Variants in GCC2 observed in about 807,000 individuals in gnomAD.
The protein encoded by GCC2 is GRIP and coiled-coil domain containing 2, also known as GRIP and coiled-coil domain-containing protein 2.
Under a neutral mutation model 210.6 loss-of-function variants are expected in GCC2, and 120 were observed. The observed-to-expected ratio is 0.57, with a 90% confidence interval of 0.49 to 0.66. GCC2 has a LOEUF of 0.66. Ranked by LOEUF, GCC2 falls within the 30% of genes least tolerant of loss-of-function variation. The pLI, the probability that GCC2 is intolerant of heterozygous loss-of-function variation, is 0.00. For missense variants in GCC2, 1,868 were observed against 1,871.9 expected, an observed-to-expected ratio of 1.00 and a Z score of 0.04; for synonymous variants, 703 against 652.7, an observed-to-expected ratio of 1.08 and a Z score of -1.17.
At position 108,495,411 on chromosome 2, in the gene GCC2, C is replaced by T; in HGVS notation, c.4568C>T (p.Thr1523Met). The change falls in exon 20 of 23, where the codon ACG becomes ATG. Residue 1523 changes from threonine to methionine, a missense_variant. Physicochemically the swap from Thr to Met is moderately conservative, Grantham distance 81. Transcript: ENST00000309863. ...GGAGAAGGCATGGAGACAACTGATA[C>T]GGAGTCTGTGTCTTCCGCCAGCACA... ...EEGEGMETTD[T>M]ESVSSASTYT... 14 of 1,589,416 alleles carry T rather than the reference C, an allele frequency of 8.8e-6. No homozygotes were observed. The highest frequency in any genetic ancestry group is 2.3e-4 in the Middle Eastern group (1 of 4,406).
intron 18 of GCC2, among the ~76,000 whole-genome samples, chr2:108,492,019 T>C (rs765583911): frequency 4.6e-5 from 7 of 152,084 alleles, no homozygotes; most frequent in Non-Finnish European, 8.8e-5. Flanking sequence ...GTGATTCTCA[T>C]GTGCAGTGAG....
At chr2:108,487,894 A>G in intron 17 of GCC2, 74 bp downstream of exon 17, 1 of 973,642 alleles carries the variant, frequency 1.0e-6, no homozygotes, top group Non-Finnish European at 1.5e-6. Context: ...TGAAAATCCT[A>G]TTATGATTTT....
rs1327923712 is a variant in GCC2, at chr2:108,487,729, G to A, written c.3961G>A (p.Glu1321Lys). The part of the protein sequence containing the change: ...AEQATVTSEF[E>K]SYKVRVHNVL... ...ACAAGCTACTGTAACCTCTGAATTC[G>A]AGAGCTACAAAGTCCGAGTTCATAA... The change falls in exon 17 of 23, where the codon GAG becomes AAG. Residue 1321 changes from glutamate to lysine, a missense_variant. Around this residue, in one of 3 missense-constraint regions of GCC2, gnomAD observed 1,847 missense variants for 1,765.2 expected, o/e 1.05. Transcript: ENST00000309863. The A allele has an allele frequency of 1.7e-5, 28 of 1,613,024 alleles. No individual in the cohort carries two copies. The highest frequency in any genetic ancestry group is 2.0e-5 in the Non-Finnish European group (24 of 1,179,450).
At chr2:108,503,200 ATAAGAG>A (rs1004062435) in intron 22 of GCC2, among the ~76,000 whole-genome samples, 1 of 152,026 alleles carries the variant, frequency 6.6e-6, no homozygotes, top group Non-Finnish European at 1.5e-5. Flanking sequence ...TTCTAGTCAC[ATAAGAG>A]TAAAACTGCC....
Position 108,449,218 on chromosome 2 carries a change from A to T in GCC2, c.-57A>T. On this transcript the variant is annotated 5_prime_UTR_variant, in exon 1 of 23. Transcript: ENST00000309863. The stretch of plus-strand genomic sequence containing the variant: ...TAGAGCCTACGTCAGAGGCTGGCGC[A>T]AACAGAAGTGCAGCGGTGGCGGCGG... 1 of 1,535,636 alleles carries T rather than the reference A, an allele frequency of 6.5e-7. No individual in the cohort carries two copies. The highest frequency in any genetic ancestry group is 1.2e-5 in the South Asian group (1 of 83,264).
chr2:108,469,981 C>G lies in GCC2; in HGVS notation c.652C>G (p.Gln218Glu). 1 of 1,612,696 alleles carries G rather than the reference C, an allele frequency of 6.2e-7. No homozygotes were observed. The highest frequency in any genetic ancestry group is 8.5e-7 in the Non-Finnish European group (1 of 1,179,144). The change falls in exon 6 of 23, where the codon CAA becomes GAA. Residue 218 changes from glutamine (Q) to glutamate (E), a missense_variant. Around this residue, in one of 3 missense-constraint regions of GCC2, gnomAD observed 1,847 missense variants for 1,765.2 expected, o/e 1.05. Coordinates refer to ENST00000309863, the MANE Select transcript of GCC2 (RefSeq NM_181453.4). Reference protein sequence around the residue: ...TTDEKKETVTQLQNIIEANSQ... With the variant: ...TTDEKKETVTELQNIIEANSQ... Reference sequence around the variant, plus strand: ...TGATGAAAAGAAGGAAACAGTTACTCAACTCCAAAATATCATTGAGGCTAA... The same window carrying G: ...TGATGAAAAGAAGGAAACAGTTACTGAACTCCAAAATATCATTGAGGCTAA...
chr2:108,458,284 A>G (rs902780248), intron 4 of GCC2, among the ~76,000 whole-genome samples: 1 of 150,882 alleles, frequency 6.6e-6, no homozygotes, highest in Non-Finnish European at 1.5e-5. Context: ...ATGGTGTATT[A>G]TCTTTTCAAT....
At chr2:108,449,891 T>G in intron 2 of GCC2, 1 of 575,768 alleles carries the variant, frequency 1.7e-6, no homozygotes, top group East Asian at 2.9e-5. Flanking sequence ...TTTGTTTGCT[T>G]CCTGCTCCTG....
At chr2:108,468,560 T>C (rs990392401) in intron 4 of GCC2, among the ~76,000 whole-genome samples, 7 of 152,158 alleles carry the variant, frequency 4.6e-5, no homozygotes, top group Non-Finnish European at 1.0e-4. Flanking sequence ...AGGAAGGACA[T>C]AGATTATTTC....
Position 108,470,613 on chromosome 2 carries a change from T to A in GCC2, c.1284T>A (p.Ser428Arg), listed in dbSNP as rs773384748. 17 of 1,612,042 alleles carry A rather than the reference T, an allele frequency of 1.1e-5. No homozygotes were observed. Among genetic ancestry groups the A allele is most frequent in the Admixed American group, 3.3e-5 (2 of 59,876 alleles). The part of the protein sequence containing the change: ...TVEQHNREVQ[S>R]LKEQHQKEIS... ...AACAGCATAACAGAGAAGTACAGAG[T>A]CTTAAGGAACAACATCAAAAAGAAA... The change falls in exon 6 of 23, where the codon AGT becomes AGA. Residue 428 changes from serine (S) to arginine (R), a missense_variant. Ser to Arg is a moderately radical substitution (Grantham distance 110, BLOSUM62 -1). This residue lies in a region of GCC2 where 1,847 missense variants were observed against 1,765.2 expected (regional missense o/e 1.05). Transcript: ENST00000309863.
At chr2:108,458,703 G>T (rs1351163496) in intron 4 of GCC2, among the ~76,000 whole-genome samples, 2 of 151,972 alleles carry the variant, frequency 1.3e-5, no homozygotes, top group East Asian at 3.9e-4. Context: ...TTTCCAGTTT[G>T]TGGGTGCATA....
chr2:108,469,248 C>G (rs1376539795), intron 5 of GCC2, 164 bp downstream of exon 5: 3 of 498,990 alleles, frequency 6.0e-6, no homozygotes, highest in African/African-American at 1.9e-5. Context: ...AATCACCTAA[C>G]TATACAGCAA....
In GCC2 at chr2:108,497,117, C is replaced by T. The variant is rs376217941; in HGVS notation, c.4782+8C>T. Reference sequence around the variant, plus strand: ...CTTATGGAGCAAATTAAGGTGAGATCAGAAAACCTGGCCGCCGTGAAAACC... The same window carrying T: ...CTTATGGAGCAAATTAAGGTGAGATTAGAAAACCTGGCCGCCGTGAAAACC... On this transcript the variant is annotated splice_region_variant and intron_variant, in intron 21 of 22. Coordinates refer to ENST00000309863, the MANE Select transcript of GCC2 (RefSeq NM_181453.4). 184 of 1,611,836 alleles carry T rather than the reference C, an allele frequency of 1.1e-4. No homozygotes were observed. The highest frequency in any genetic ancestry group is 1.5e-4 in the Non-Finnish European group (180 of 1,179,860).
chr2:108,497,166 C>G, intron 21 of GCC2, 57 bp downstream of exon 21: 2 of 1,610,588 alleles, frequency 1.2e-6, no homozygotes, highest in Non-Finnish European at 1.7e-6. Context: ...TCTTGACCCT[C>G]CATACACATG....
chr2:108,475,851 G>A lies in GCC2; in HGVS notation c.3060+1G>A, dbSNP rs1473067691. On this transcript the variant is annotated splice_donor_variant, in intron 9 of 22. Coordinates refer to ENST00000309863, the MANE Select transcript of GCC2 (RefSeq NM_181453.4). LOFTEE classifies it high-confidence loss of function. ...CATTCAAGGAGCAGAAAGCTATAAG[G>A]TAAAAAATAGTCATTTTAATAACAA... is the stretch of plus-strand genomic sequence containing the variant. 2 of 1,453,688 alleles carry A rather than the reference G, an allele frequency of 1.4e-6. No individual in the cohort carries two copies. The highest frequency in any genetic ancestry group is 1.9e-6 in the Non-Finnish European group (2 of 1,056,884). The allele number at this position is 1,453,688 out of a possible 1,614,324, so 90.0% of individuals were successfully genotyped here. A position where few individuals can be genotyped will look rare whatever the true frequency, so the allele number is the denominator to read the frequency against.
rs901600438 is a variant in GCC2, at chr2:108,492,668, G to C, written c.4325G>C (p.Ser1442Thr). 6 of 1,613,526 alleles carry C rather than the reference G, an allele frequency of 3.7e-6. No individual in the cohort carries two copies. In the East Asian group the frequency reaches 1.3e-4, roughly 36 times the overall value. Residue 1442 changes from serine to threonine, a missense_variant, in exon 19 of 23, where the codon AGC becomes ACC. By Grantham distance (58) the Ser-to-Thr change is moderately conservative. Coordinates refer to ENST00000309863, the MANE Select transcript of GCC2 (RefSeq NM_181453.4). Reference sequence around the variant, plus strand: ...TCCCAGAACGAGGTCCTTCGAAATAGCTTCCGAGATCAAGTGCGACATTTG... The same window carrying C: ...TCCCAGAACGAGGTCCTTCGAAATACCTTCCGAGATCAAGTGCGACATTTG... The part of the protein sequence containing the change: ...LTSQNEVLRN[S>T]FRDQVRHLQE...
chr2:108,459,723 A>G (rs1283116241), intron 4 of GCC2, among the ~76,000 whole-genome samples: 3 of 95,224 alleles, frequency 3.2e-5, no homozygotes, highest in South Asian at 3.9e-4. Flanking sequence ...TTCCTTTGCC[A>G]TTAGATAATG....
rs1282438487 is a variant in GCC2, at chr2:108,470,960, A to G, written c.1631A>G (p.Asn544Ser). 1 of 1,613,298 alleles carries G rather than the reference A, an allele frequency of 6.2e-7. No homozygotes were observed. The highest frequency in any genetic ancestry group is 1.1e-5 in the South Asian group (1 of 91,052). Residue 544 changes from asparagine (N) to serine (S), a missense_variant, in exon 6 of 23, where the codon AAT becomes AGT. Asn to Ser is a conservative substitution (Grantham distance 46, BLOSUM62 1). Transcript: ENST00000309863. ...ACTGTGAATCGCCTCCAGGGAGAAA[A>G]TGAAAAGTTACTATCTCAACAAGAA... ...LETVNRLQGENEKLLSQQELV... is the reference protein window; with the variant it reads ...LETVNRLQGESEKLLSQQELV...
In GCC2 at chr2:108,492,749, A is replaced by C. The variant is rs771264998; in HGVS notation, c.4406A>C (p.Glu1469Ala). The C allele has an allele frequency of 1.2e-6, 2 of 1,613,990 alleles. No homozygotes were observed. Among genetic ancestry groups the C allele is most frequent in the Non-Finnish European group, 1.7e-6 (2 of 1,179,800 alleles). ...ETLQQQLSKM[E>A]AQLFQLKNEP... ...TTACAGCAGCAGCTCTCCAAGATGG[A>C]AGCACAGCTCTTCCAGCTTAAGAAT... Residue 1469 changes from glutamate to alanine, a missense_variant, in exon 19 of 23, where the codon GAA (glutamate) becomes GCA (alanine). Physicochemically the swap from Glu to Ala is moderately radical, Grantham distance 107. Coordinates refer to ENST00000309863, the MANE Select transcript of GCC2 (RefSeq NM_181453.4).
Sources: gnomAD v4.1 joint callset for allele counts (sites outside exome capture counted in the v4.1 genomes callset) on GRCh38, gnomAD v4.1.1 for gene constraint, gnomAD v4.1.1 regional missense constraint, MANE v1.5 for transcripts, NCBI Gene and HGNC (gene_info 2026-07-23, HGNC 2026-07-21) for gene names.